Variants in FSTL5 observed in about 807,000 individuals in gnomAD.
FSTL5 encodes follistatin like 5.
In FSTL5, 62 loss-of-function variants were observed where a neutral mutation model predicts 89.1. The ratio of observed to expected loss-of-function variants is 0.70; its 90% CI spans 0.57 to 0.86. FSTL5 has a LOEUF of 0.86. Among genes scored for constraint, FSTL5 ranks in the 40% least tolerant of loss-of-function variants. The pLI is 0.00. For synonymous variants in FSTL5, 383 were observed against 346.2 expected (o/e 1.11, Z -1.18); for missense variants, 1,057 against 1,001.6 (o/e 1.06, Z -0.75).
intron 1 of FSTL5, among the ~76,000 whole-genome samples, chr4:162,160,376 C>T (rs1333462752): frequency 1.3e-5 from 2 of 151,668 alleles, no homozygotes; most frequent in Non-Finnish European, 3.0e-5. Context: ...CTACAGCTAA[C>T]CTAAAGTAGG....
intron 3 of FSTL5, among the ~76,000 whole-genome samples, chr4:162,001,368 C>G (rs1377627316): frequency 2.0e-5 from 3 of 152,106 alleles, no homozygotes; most frequent in Non-Finnish European, 4.4e-5. Flanking sequence ...TATTTAGCAA[C>G]TAGTAAAAAC....
intron 6 of FSTL5, among the ~76,000 whole-genome samples, chr4:161,718,001 T>G (rs2126747219): frequency 6.6e-6 from 1 of 152,272 alleles, no homozygotes; most frequent in African/African-American, 2.4e-5. Context: ...AAAGAAAAAG[T>G]TATTTATGTT....
chr4:161,647,411 T>A (rs1367834233), intron 7 of FSTL5, among the ~76,000 whole-genome samples: 1 of 152,148 alleles, frequency 6.6e-6, no homozygotes, highest in African/African-American at 2.4e-5. Context: ...AGTTTTGAAA[T>A]AAGGAAATGA....
chr4:162,075,291 T>C (rs1729791560), intron 2 of FSTL5, among the ~76,000 whole-genome samples: 2 of 151,830 alleles, frequency 1.3e-5, no homozygotes, highest in South Asian at 4.1e-4. Flanking sequence ...AGGGTTTGGA[T>C]GTGAGTTGGG....
At chr4:161,535,201 C>A (rs1018895835) in intron 10 of FSTL5, among the ~76,000 whole-genome samples, 1 of 151,968 alleles carries the variant, frequency 6.6e-6, no homozygotes, top group Non-Finnish European at 1.5e-5. Flanking sequence ...GCAATCGCAA[C>A]AGAATAATAA....
At chr4:161,775,456 A>C (rs1741374349) in intron 5 of FSTL5, among the ~76,000 whole-genome samples, 1 of 152,156 alleles carries the variant, frequency 6.6e-6, no homozygotes, top group Non-Finnish European at 1.5e-5. Context: ...ACTATCTTAA[A>C]TCATTTATAT....
At chr4:161,801,767 C>T (rs1247257558) in intron 4 of FSTL5, among the ~76,000 whole-genome samples, 2 of 151,462 alleles carry the variant, frequency 1.3e-5, no homozygotes, top group African/African-American at 2.4e-5. Context: ...ATTGTCTCTA[C>T]ATAGTAGGCA....
intron 6 of FSTL5, among the ~76,000 whole-genome samples, chr4:161,756,210 G>C (rs760325958): frequency 7.9e-5 from 12 of 151,876 alleles, no homozygotes; most frequent in Non-Finnish European, 1.5e-4. Flanking sequence ...ATGATGTTGT[G>C]AACAACATTT....
In FSTL5 at chr4:161,481,025, C is replaced by A. The variant is rs1050558651; in HGVS notation, c.1603G>T (p.Val535Phe). 2 of 1,607,786 alleles carry A rather than the reference C, an allele frequency of 1.2e-6. No homozygotes were observed. The highest frequency in any genetic ancestry group is 1.7e-6 in the Non-Finnish European group (2 of 1,176,978). ...AAAGTAGTAATTATTCATACCTGAA[C>A]AACTTTTTGGGACTGCACATCAACA... ...LIVDVQSQKVVQAVSTDPVPV... is the reference protein window; with the variant it reads ...LIVDVQSQKVFQAVSTDPVPV... Residue 535 changes from valine to phenylalanine, a missense_variant, in exon 13 of 16, where the codon GTT becomes TTT. Physicochemically the swap from Val to Phe is conservative, Grantham distance 50 (BLOSUM62 -1). Coordinates refer to ENST00000306100, the MANE Select transcript of FSTL5 (RefSeq NM_020116.5).
At chr4:162,000,459 G>T (rs62329593) in intron 3 of FSTL5, among the ~76,000 whole-genome samples, 63,358 of 151,368 alleles carry the variant, frequency 0.42, 13,418 homozygotes, top group Middle Eastern at 0.57. Context: ...TTAGCCGGGC[G>T]TGGTGGCAGG....
At chr4:161,537,827 C>T (rs926919666) in intron 10 of FSTL5, among the ~76,000 whole-genome samples, 1 of 152,094 alleles carries the variant, frequency 6.6e-6, no homozygotes, top group African/African-American at 2.4e-5. Flanking sequence ...ACATTGGATA[C>T]ATTTGGGGGC....
intron 7 of FSTL5, among the ~76,000 whole-genome samples, chr4:161,628,879 A>G (rs1037827052): frequency 2.0e-5 from 3 of 152,180 alleles, no homozygotes; most frequent in African/African-American, 7.2e-5. Flanking sequence ...GGAATAATAA[A>G]GGTCTGTATA....
chr4:161,394,743 A>C (rs1264412591), intron 15 of FSTL5, among the ~76,000 whole-genome samples: 1 of 152,320 alleles, frequency 6.6e-6, no homozygotes, highest in Admixed American at 6.5e-5. Context: ...AGGTTGTAAT[A>C]TATGTTTAGA....
chr4:161,437,882 G>T (rs1180940920), intron 15 of FSTL5, among the ~76,000 whole-genome samples: 2 of 152,226 alleles, frequency 1.3e-5, no homozygotes, highest in East Asian at 3.9e-4. Context: ...CTTAAAAGGG[G>T]TGGCTTGGAT....
At chr4:161,478,563 G>A (rs1488281644) in intron 13 of FSTL5, among the ~76,000 whole-genome samples, 1 of 151,920 alleles carries the variant, frequency 6.6e-6, no homozygotes. Flanking sequence ...ACTATGTGTG[G>A]AGGACATTTT....
chr4:162,102,600 AATATT>A lies in FSTL5; in HGVS notation c.126+8666_126+8670del, dbSNP rs1010567579. Among the ~76,000 whole-genome samples, 138 of 146,394 alleles carry A rather than the reference AATATT, an allele frequency of 9.4e-4. 2 individuals carry two copies. Among genetic ancestry groups the A allele is most frequent in the African/African-American group, 2.9e-3 (117 of 40,474 alleles). ...ATATATATAAAATAGATATATATTT[AATATT>A]ATATTATATATAAAATATTTATAAC... On this transcript the variant is annotated intron_variant, in intron 2 of 15. Transcript: ENST00000306100.
intron 4 of FSTL5, among the ~76,000 whole-genome samples, chr4:161,918,713 C>A (rs1002598323): frequency 6.6e-6 from 1 of 151,840 alleles, no homozygotes; most frequent in South Asian, 2.1e-4. Context: ...GGTGCTATCT[C>A]GGCTCACTGC....
intron 15 of FSTL5, among the ~76,000 whole-genome samples, chr4:161,434,824 G>C (rs1732497131): frequency 6.6e-6 from 1 of 151,848 alleles, no homozygotes; most frequent in Non-Finnish European, 1.5e-5. Context: ...GAGTATAACA[G>C]GTGCTAACAC....
At chr4:161,679,161 G>T (rs1186073045) in intron 6 of FSTL5, among the ~76,000 whole-genome samples, 1 of 151,166 alleles carries the variant, frequency 6.6e-6, no homozygotes, top group Non-Finnish European at 1.5e-5. Flanking sequence ...ATGCAAAATT[G>T]GAAAACTTAT....
Sources: allele counts gnomAD v4.1 joint callset (sites outside exome capture counted in the v4.1 genomes callset), GRCh38; gene constraint gnomAD v4.1.1; transcripts MANE v1.5; gene names NCBI Gene and HGNC (gene_info 2026-07-23, HGNC 2026-07-21).